The following PSIP1 variants were observed in gnomAD, a reference collection of about 807,000 sequenced individuals.
PSIP1 encodes PC4 and SRSF1 interacting protein 1, also known as PC4 and SFRS1-interacting protein.
In PSIP1, 19 loss-of-function variants were observed where a neutral mutation model predicts 74.7. That is an observed-to-expected ratio of 0.25 (90% CI 0.18 to 0.37). PSIP1 has a LOEUF of 0.37. PSIP1 is among the 10% of genes least tolerant of loss of function. PSIP1 has a pLI of 1.00. For missense variants in PSIP1, 601 were observed against 614.3 expected, an observed-to-expected ratio of 0.98 and a Z score of 0.23; for synonymous variants, 222 against 195.3, an observed-to-expected ratio of 1.14 and a Z score of -1.14.
chr9:15,479,242 G>A (rs2036231803), intron 7 of PSIP1, among the ~76,000 whole-genome samples: 1 of 151,938 alleles, frequency 6.6e-6, no homozygotes, highest in Non-Finnish European at 1.5e-5. Context: ...AAATATTAAT[G>A]ACTTTAATCA....
At chr9:15,508,876 T>C (rs999529732) in intron 2 of PSIP1, among the ~76,000 whole-genome samples, 16 of 152,150 alleles carry the variant, frequency 1.1e-4, no homozygotes, top group Admixed American at 9.8e-4. Context: ...ACGAAAGGAA[T>C]AGATTAGAAT....
chr9:15,471,152 T>C, intron 10 of PSIP1: 1 of 1,606,284 alleles, frequency 6.2e-7, no homozygotes, highest in Non-Finnish European at 8.5e-7. Context: ...CCACTTGTAT[T>C]CTCTTTTCAG....
At chr9:15,488,454 T>A (rs923310277) in intron 4 of PSIP1, among the ~76,000 whole-genome samples, 2 of 152,218 alleles carry the variant, frequency 1.3e-5, no homozygotes, top group Non-Finnish European at 2.9e-5. Context: ...AGAGGACGTT[T>A]ATTGATGAAA....
intron 6 of PSIP1, among the ~76,000 whole-genome samples, chr9:15,480,112 G>C (rs896285315): frequency 1.4e-4 from 21 of 152,292 alleles, no homozygotes; most frequent in Middle Eastern, 3.4e-3. Flanking sequence ...TACTACAACA[G>C]AGAGTAAGGA....
intron 3 of PSIP1, among the ~76,000 whole-genome samples, chr9:15,495,910 T>A (rs547460223): frequency 1.5e-4 from 23 of 152,350 alleles, no homozygotes; most frequent in African/African-American, 4.6e-4. Flanking sequence ...TATTCTATTA[T>A]TCCATTTATG....
At chr9:15,479,297 T>TA (rs2036233793) in intron 7 of PSIP1, among the ~76,000 whole-genome samples, 1 of 152,184 alleles carries the variant, frequency 6.6e-6, no homozygotes, top group African/African-American at 2.4e-5. Flanking sequence ...TTTGAAATCT[T>TA]ACGACTCTTA....
chr9:15,506,401 G>A (rs1454595514), intron 3 of PSIP1, 160 bp downstream of exon 3: 5 of 505,856 alleles, frequency 9.9e-6, no homozygotes, highest in African/African-American at 9.5e-5. Context: ...TATAGCATCT[G>A]TAAACGCTAC....
Position 15,490,019 on chromosome 9 carries a change from A to C in PSIP1, c.255T>G (p.Asp85Glu). The C allele has an allele frequency of 6.3e-7, 1 of 1,589,788 alleles. No homozygotes were observed. Among genetic ancestry groups the C allele is most frequent in the Non-Finnish European group, 8.5e-7 (1 of 1,171,306 alleles). Residue 85 changes from aspartate to glutamate, a missense_variant, in exon 4 of 16, where the codon GAT (aspartate) becomes GAG (glutamate). Asp to Glu is a conservative substitution (Grantham distance 45). Coordinates refer to ENST00000380733, the MANE Select transcript of PSIP1 (RefSeq NM_033222.5). ...KGFNEGLWEIDNNPKVKFSSQ... is the reference protein window; with the variant it reads ...KGFNEGLWEIENNPKVKFSSQ... ...TTGAAAATTTCACTTTTGGATTGTT[A>C]TCTATCTCCCATAAACCTTCATTAA...
chr9:15,474,893 A>T (rs1475419342), intron 8 of PSIP1, among the ~76,000 whole-genome samples: 3 of 152,226 alleles, frequency 2.0e-5, no homozygotes, highest in Non-Finnish European at 4.4e-5. Context: ...TAAGCCGTTT[A>T]AAAACTGTAA....
chr9:15,471,436 C>G (rs2035826024), intron 10 of PSIP1: 1 of 1,444,164 alleles, frequency 6.9e-7, no homozygotes. Flanking sequence ...CTTTAAGATA[C>G]TAAAGAAGGG....
At chr9:15,484,294 A>C (rs772396759) in intron 6 of PSIP1, among the ~76,000 whole-genome samples, 13 of 2,006 alleles carry the variant, frequency 6.5e-3, no homozygotes, top group Non-Finnish European at 0.02. Flanking sequence ...CATGTCTATC[A>C]AAAAAAAAAA....
Position 15,466,874 on chromosome 9 carries a change from CAATGG to C in PSIP1, c.1421-20_1421-16del, listed in dbSNP as rs1190896977. 6.3e-7 allele frequency: 1 copy of C among 1,589,698 alleles called. No homozygotes were observed. On this transcript the variant is annotated splice_polypyrimidine_tract_variant and intron_variant, in intron 14 of 15. Coordinates refer to ENST00000380733, the MANE Select transcript of PSIP1 (RefSeq NM_033222.5). ...AGTCTTTGACCCTTGCGAAGGAATC[CAATGG>C]AAAAACTTTGTTAAAGCTTACAAAA...
At chr9:15,504,098 G>A (rs989359476) in intron 3 of PSIP1, among the ~76,000 whole-genome samples, 1 of 152,184 alleles carries the variant, frequency 6.6e-6, no homozygotes, top group East Asian at 1.9e-4. Context: ...CATACATATG[G>A]GGCAGCACTG....
chr9:15,466,246 G>A (rs2035618033), intron 15 of PSIP1, among the ~76,000 whole-genome samples: 1 of 152,292 alleles, frequency 6.6e-6, no homozygotes, highest in South Asian at 2.1e-4. Flanking sequence ...GGGCGTGGTG[G>A]CAGGTGCCTG....
chr9:15,502,723 A>C (rs1199469502), intron 3 of PSIP1, among the ~76,000 whole-genome samples: 4 of 152,256 alleles, frequency 2.6e-5, no homozygotes, highest in Non-Finnish European at 5.9e-5. Context: ...TATAACATGT[A>C]ATCAAGGATA....
chr9:15,475,168 CTT>C lies in PSIP1; in HGVS notation c.630-933_630-932del, dbSNP rs1176228929. On this transcript the variant is annotated intron_variant, in intron 8 of 15. Coordinates refer to ENST00000380733, the MANE Select transcript of PSIP1 (RefSeq NM_033222.5). ...AAATTTACTTTTGCCCCTTTAGAAA[CTT>C]TTTATTATATAATTATCATTGGGTA... 2.0e-5 allele frequency among the ~76,000 whole-genome samples: 3 copies of C among 152,124 alleles called. No homozygotes were observed. In the South Asian group the frequency reaches 6.2e-4, roughly 31 times the overall value.
intron 3 of PSIP1, among the ~76,000 whole-genome samples, chr9:15,496,712 AT>A (rs1378969184): frequency 6.6e-6 from 1 of 152,228 alleles, no homozygotes; most frequent in African/African-American, 2.4e-5. Context: ...ACGTATCTTA[AT>A]ATACCAAAAA....
In PSIP1 at chr9:15,510,093, G is replaced by C. The variant is rs755833983; in HGVS notation, c.72+24C>G. 1.9e-6 allele frequency: 3 copies of C among 1,597,666 alleles called. No individual in the cohort carries two copies. The Admixed American group carries it at 5.1e-5, about 27-fold the overall frequency. ...CTGGAGAGGAGGGTAGCACTGCTAAGCGCGAGGGCTACAAATCACTTACTC... is the reference window on the plus strand; with the variant it reads ...CTGGAGAGGAGGGTAGCACTGCTAACCGCGAGGGCTACAAATCACTTACTC... On this transcript the variant is annotated intron_variant, in intron 2 of 15. Transcript: ENST00000380733.
intron 6 of PSIP1, among the ~76,000 whole-genome samples, chr9:15,485,355 C>G (rs774554743): frequency 1.3e-5 from 2 of 152,158 alleles, no homozygotes; most frequent in Non-Finnish European, 2.9e-5. Context: ...TGTTATCACA[C>G]CACTTCCAAC....
Sources: allele counts gnomAD v4.1 joint callset (sites outside exome capture counted in the v4.1 genomes callset), GRCh38; gene constraint gnomAD v4.1.1; transcripts MANE v1.5; gene names NCBI Gene and HGNC (gene_info 2026-07-23, HGNC 2026-07-21).